The following ZNF503 variants were observed in gnomAD, a reference collection of about 807,000 sequenced individuals.
ZNF503 encodes zinc finger protein 503, also known as NocA-like zinc finger 2.
A neutral mutation model predicts 34.4 loss-of-function variants in ZNF503; 15 were observed. That is an observed-to-expected ratio of 0.44 (90% CI 0.29 to 0.67). The LOEUF (loss-of-function observed/expected upper bound fraction) is 0.67. ZNF503 is among the 30% of genes least tolerant of loss of function. The pLI is 0.13. For missense variants in ZNF503, 1,007 were observed against 926.8 expected (o/e 1.09, Z -1.12); for synonymous variants, 580 against 456.8 (o/e 1.27, Z -3.44).
At chr10:75,347,106 G>C in the ZNF503 span, among the ~76,000 whole-genome samples, 1 of 152,178 alleles carries the variant, frequency 6.6e-6, no homozygotes, top group Non-Finnish European at 1.5e-5. Flanking sequence ...TATTAAATGA[G>C]TTATATACAC....
chr10:75,398,934 TCC>T lies in ZNF503; in HGVS notation c.1754_1755del (p.Gly585AspfsTer137). 6.3e-7 allele frequency: 1 copy of T among 1,593,506 alleles called. No individual in the cohort carries two copies. On this transcript the variant is annotated frameshift_variant, in exon 2 of 2. Coordinates refer to ENST00000372524, the MANE Select transcript of ZNF503 (RefSeq NM_032772.6). LOFTEE classifies it high-confidence loss of function. ...IPTSGAPGSP[G>X]TLALRSPHHA... ...TGGTGGGGGCTGCGCAGCGCCAGCG[TCC>T]CAGGGCTGCCCGGTGCGCCCGAGGT...
the ZNF503 span, chr10:75,288,779 T>C: frequency 1.3e-5 from 2 of 152,222 alleles, no homozygotes; most frequent in Non-Finnish European, 2.9e-5. Flanking sequence ...TTTGAATTCA[T>C]GGGTGGGGGT....
the ZNF503 span, among the ~76,000 whole-genome samples, chr10:75,280,494 C>T: frequency 6.6e-6 from 1 of 151,770 alleles, no homozygotes; most frequent in Admixed American, 6.6e-5. Context: ...CAGATTGTGC[C>T]AGAATTACAT....
chr10:75,370,873 C>T, the ZNF503 span, among the ~76,000 whole-genome samples: 2 of 144,092 alleles, frequency 1.4e-5, no homozygotes, highest in South Asian at 2.3e-4. Context: ...TTTAACAATT[C>T]TGGCTGCTTC....
downstream of ZNF503, among the ~76,000 whole-genome samples, chr10:75,396,835 C>G (rs1320014583): frequency 6.6e-6 from 1 of 152,066 alleles, no homozygotes; most frequent in Non-Finnish European, 1.5e-5. The surrounding 1 kb of genome is among the most constrained non-coding windows in gnomAD (Gnocchi z 4.4). Flanking sequence ...TGGGTCTCGG[C>G]CCCCCTCCCC....
chr10:75,382,687 G>T, the ZNF503 span: 1 of 342,404 alleles, frequency 2.9e-6, no homozygotes, highest in Non-Finnish European at 5.8e-6. Context: ...GATCAAAAGT[G>T]GTTTTCTCTC....
the ZNF503 span, among the ~76,000 whole-genome samples, chr10:75,347,306 G>T: frequency 6.6e-6 from 1 of 152,252 alleles, no homozygotes; most frequent in African/African-American, 2.4e-5. Flanking sequence ...CAATGAAGGA[G>T]AGGAAAATGT....
chr10:75,298,605 GA>G, the ZNF503 span, among the ~76,000 whole-genome samples: 1 of 152,218 alleles, frequency 6.6e-6, no homozygotes, highest in South Asian at 2.1e-4. Flanking sequence ...TATACTGATA[GA>G]CATTTGGATT....
chr10:75,317,661 C>T, the ZNF503 span, among the ~76,000 whole-genome samples: 3 of 152,052 alleles, frequency 2.0e-5, no homozygotes, highest in Non-Finnish European at 4.4e-5. Context: ...CAGATCATAG[C>T]AAACAAGTTC....
the ZNF503 span, among the ~76,000 whole-genome samples, chr10:75,299,841 A>T: frequency 1.3e-5 from 2 of 152,220 alleles, no homozygotes; most frequent in Non-Finnish European, 2.9e-5. Flanking sequence ...CACAGAGATC[A>T]CATGCTTCAC....
chr10:75,354,688 A>T, the ZNF503 span, among the ~76,000 whole-genome samples: 8 of 152,264 alleles, frequency 5.3e-5, no homozygotes, highest in South Asian at 6.2e-4. Flanking sequence ...CCAGTCTGGG[A>T]GACAGAGCAA....
At chr10:75,283,581 G>A in the ZNF503 span, among the ~76,000 whole-genome samples, 1 of 152,096 alleles carries the variant, frequency 6.6e-6, no homozygotes, top group African/African-American at 2.4e-5. Flanking sequence ...GAGACAGAGT[G>A]CAGGGAGGGA....
the ZNF503 span, among the ~76,000 whole-genome samples, chr10:75,287,494 A>G: frequency 6.7e-6 from 1 of 149,182 alleles, no homozygotes; most frequent in Non-Finnish European, 1.5e-5. Context: ...CCCACCCTCT[A>G]CTCTCTCCTG....
chr10:75,399,204 C>A lies in ZNF503; in HGVS notation c.1486G>T (p.Ala496Ser). The stretch of plus-strand genomic sequence containing the variant: ...CCGTAGGGGTAGAGGGGGTGGCCGG[C>A]CAGGGAGGGCGGTGTGGCGCCAGCA... Reference protein sequence around the residue: ...AAAGATPPSLAGHPLYPYGFM... With the variant: ...AAAGATPPSLSGHPLYPYGFM... The change falls in exon 2 of 2, where the codon GCC becomes TCC. Residue 496 changes from alanine to serine, a missense_variant. Physicochemically the swap from Ala to Ser is moderately conservative, Grantham distance 99. Transcript: ENST00000372524. The A allele has an allele frequency of 6.3e-7, 1 of 1,597,222 alleles. No individual in the cohort carries two copies. Among genetic ancestry groups the A allele is most frequent in the South Asian group, 1.1e-5 (1 of 88,840 alleles).
At chr10:75,401,035 G>C (rs746107559) in intron 1 of ZNF503, 70 bp downstream of exon 1, 67 of 1,601,548 alleles carry the variant, frequency 4.2e-5, no homozygotes, top group Non-Finnish European at 5.5e-5. Context: ...CCCAGATCCC[G>C]AGAAAAAGAA....
the ZNF503 span, among the ~76,000 whole-genome samples, chr10:75,307,692 C>T: frequency 6.6e-6 from 1 of 152,210 alleles, no homozygotes; most frequent in East Asian, 1.9e-4. Context: ...AAAGGAAAGG[C>T]AGGCTGACTC....
At chr10:75,294,827 A>G in the ZNF503 span, among the ~76,000 whole-genome samples, 1 of 151,642 alleles carries the variant, frequency 6.6e-6, no homozygotes, top group South Asian at 2.1e-4. Flanking sequence ...GGTGTCAGCG[A>G]GGGGCCGCCT....
chr10:75,390,678 T>A, the ZNF503 span, among the ~76,000 whole-genome samples: 1 of 152,176 alleles, frequency 6.6e-6, no homozygotes, highest in Non-Finnish European at 1.5e-5. Flanking sequence ...ACAAGAGGGC[T>A]CTCTCTTGAC....
the ZNF503 span, chr10:75,382,314 G>A: frequency 3.9e-6 from 1 of 256,374 alleles, no homozygotes; most frequent in East Asian, 1.1e-4. Context: ...CCTTACTAAG[G>A]AAAAAATGGG....
Sources: allele counts gnomAD v4.1 joint callset (sites outside exome capture counted in the v4.1 genomes callset), GRCh38; gene constraint gnomAD v4.1.1; non-coding constraint Gnocchi (gnomAD v3.1); transcripts MANE v1.5; gene names NCBI Gene and HGNC (gene_info 2026-07-23, HGNC 2026-07-21).